The following TMEM184A variants were observed in gnomAD, a reference collection of about 807,000 sequenced individuals.
TMEM184A encodes the protein transmembrane protein 184A.
TMEM184A carries 40 observed loss-of-function variants against 39.5 expected under a neutral mutation model. That is an observed-to-expected ratio of 1.01 (90% CI 0.79 to 1.32). The LOEUF is 1.32. Among genes scored for constraint, TMEM184A ranks in the 40% most tolerant of loss-of-function variants. The probability of loss-of-function intolerance (pLI) is 0.00; values close to 1 mark genes in which losing one functional copy is unlikely to be tolerated. For missense variants in TMEM184A, 603 were observed against 568.8 expected, an observed-to-expected ratio of 1.06 and a Z score of -0.61; for synonymous variants, 280 against 252.3, an observed-to-expected ratio of 1.11 and a Z score of -1.04.
At chr7:1,551,725 T>C in intron 2 of TMEM184A, among the ~76,000 whole-genome samples, 1 of 151,950 alleles carries the variant, frequency 6.6e-6, no homozygotes, top group East Asian at 1.9e-4. Context: ...TCATTTGAGG[T>C]CAGGAGTTCA....
At chr7:1,548,390 G>A (rs1784432259) in intron 7 of TMEM184A, 129 bp downstream of exon 7, 6 of 1,148,242 alleles carry the variant, frequency 5.2e-6, no homozygotes, top group Middle Eastern at 4.8e-4. Flanking sequence ...CTGGCTTCCA[G>A]CTGACCTGTG....
intron 2 of TMEM184A, among the ~76,000 whole-genome samples, chr7:1,552,348 G>A (rs775137308): frequency 6.6e-6 from 1 of 152,098 alleles, no homozygotes. Context: ...TGTCTGATAT[G>A]TGTGTTCGTG....
chr7:1,550,764 C>A (rs953481361), intron 3 of TMEM184A, 53 bp downstream of exon 3: 26 of 1,597,390 alleles, frequency 1.6e-5, no homozygotes, highest in Non-Finnish European at 2.1e-5. Context: ...TGCACGCAGG[C>A]CCCGGGGAGT....
rs1333130976 is a variant in TMEM184A at position 1,555,883 on chromosome 7, C to T, written c.-1+231G>A. ...CGGGCGCAGACCAGCACTGCCTGCC[C>T]CGGCAGGAGGGGGTGTGCAGCCACC... On this transcript the variant is annotated intron_variant, in intron 1 of 8. Coordinates refer to ENST00000297477, the MANE Select transcript of TMEM184A (RefSeq NM_001097620.2). This position sits in a 1 kb window ranked among gnomAD's most constrained non-coding sequence, Gnocchi z 5.2. 7.3e-6 allele frequency: 2 copies of T among 273,344 alleles called. No homozygotes were observed. Among genetic ancestry groups the T allele is most frequent in the Non-Finnish European group, 1.4e-5 (2 of 142,574 alleles). The allele number at this position is 273,344 out of a possible 1,614,324, so 16.9% of individuals were successfully genotyped here.
At position 1,547,559 on chromosome 7, in the gene TMEM184A, T is replaced by C. The variant is rs752643653; in HGVS notation, c.1012+183A>G. 4.6e-5 allele frequency among the ~76,000 whole-genome samples: 7 copies of C among 152,006 alleles called. 1 individual carries two copies. Among genetic ancestry groups the C allele is most frequent in the Admixed American group, 1.3e-4 (2 of 15,264 alleles). Reference sequence around the variant, plus strand: ...AGGGGACACCCATCCCCCATCACCATTGGGGTCCGGGACCGCCTGGACCCC... The same window carrying C: ...AGGGGACACCCATCCCCCATCACCACTGGGGTCCGGGACCGCCTGGACCCC... On this transcript the variant is annotated intron_variant, in intron 8 of 8. Transcript: ENST00000297477.
chr7:1,552,356 G>C (rs762564886), intron 2 of TMEM184A, among the ~76,000 whole-genome samples: 3 of 152,072 alleles, frequency 2.0e-5, no homozygotes, highest in Admixed American at 6.6e-5. Context: ...ATGTGTGTTC[G>C]TGGGGAATGG....
Position 1,550,202 on chromosome 7 carries a change from CG to C in TMEM184A, c.477-5del. 1 of 1,606,580 alleles carries C rather than the reference CG, an allele frequency of 6.2e-7. No individual in the cohort carries two copies. Among genetic ancestry groups the C allele is most frequent in the South Asian group, 1.1e-5 (1 of 90,302 alleles). ...GGTGCCGTACAAGCAGCTGGACCTG[CG>C]GGGGACGTCCCTGAGCCGGTGCGGG... On this transcript the variant is annotated splice_polypyrimidine_tract_variant and splice_region_variant and intron_variant, in intron 4 of 8. Coordinates refer to ENST00000297477, the MANE Select transcript of TMEM184A (RefSeq NM_001097620.2).
At position 1,548,656 on chromosome 7, in the gene TMEM184A, A is replaced by G. The variant is rs1323614388; in HGVS notation, c.677T>C (p.Ile226Thr). 2 of 1,613,842 alleles carry G rather than the reference A, an allele frequency of 1.2e-6. No homozygotes were observed. Among genetic ancestry groups the G allele is most frequent in the Admixed American group, 3.3e-5 (2 of 60,012 alleles). ...GGCGAGGCTGACGGAGGCGTTGTAG[A>G]TGAGGGTCACATAGAGGTAGCCGCT... ...VRSGYLYVTLIYNASVSLALY... is the reference protein window; with the variant it reads ...VRSGYLYVTLTYNASVSLALY... Residue 226 changes from isoleucine (I) to threonine (T), a missense_variant, in exon 7 of 9, where the codon ATC becomes ACC. Physicochemically the swap from Ile to Thr is moderately conservative, Grantham distance 89. Coordinates refer to ENST00000297477, the MANE Select transcript of TMEM184A (RefSeq NM_001097620.2).
intron 8 of TMEM184A, 89 bp from the exon 9 acceptor site, chr7:1,547,270 C>G (rs1400331607): frequency 1.3e-6 from 1 of 754,340 alleles, no homozygotes; most frequent in Non-Finnish European, 2.1e-6. Context: ...AGGGCTGTAG[C>G]TCCTGCATGT....
At position 1,550,821 on chromosome 7, in the gene TMEM184A, G is replaced by A. The variant is rs763922865; in HGVS notation, c.381C>T (p.Tyr127=). 10 of 1,612,696 alleles carry A rather than the reference G, an allele frequency of 6.2e-6. No homozygotes were observed. The highest frequency in any genetic ancestry group is 3.3e-5 in the Admixed American group (2 of 59,994). The change falls in exon 3 of 9, where the codon TAC becomes TAT. Residue 127 remains tyrosine (Y), a synonymous_variant. Transcript: ENST00000297477. Reference sequence around the variant, plus strand: ...CTGACGCAGCCTGGCGCCCACCTTCGTAGCAGTCCCGCACAGAGTCGAAGT... The same window carrying A: ...CTGACGCAGCCTGGCGCCCACCTTCATAGCAGTCCCGCACAGAGTCGAAGT... ...YVYFDSVRDC[Y]EAFVIYSFLS...
At chr7:1,554,588 ACTC>A (rs1778475226) in intron 2 of TMEM184A, among the ~76,000 whole-genome samples, 1 of 150,218 alleles carries the variant, frequency 6.7e-6, no homozygotes, top group Admixed American at 6.6e-5. Flanking sequence ...CCTGTCCCTG[ACTC>A]CCTGCCCTCT....
In TMEM184A at chr7:1,545,995, G is replaced by A. The variant is rs1179739866; in HGVS notation, c.*957C>T. On this transcript the variant is annotated 3_prime_UTR_variant, in exon 9 of 9. Transcript: ENST00000297477. ...GTGGCCTTGTCCGCTCGCCGCGGGT[G>A]GGGCTGGCACAAGGCCCGTTTTGGA... 1 of 152,536 alleles carries A rather than the reference G, an allele frequency of 6.6e-6. No homozygotes were observed. The highest frequency in any genetic ancestry group is 1.5e-5 in the Non-Finnish European group (1 of 68,196). 9.4% of individuals were successfully genotyped at this position (152,536 alleles called of 1,614,324 possible). A position where few individuals can be genotyped will look rare whatever the true frequency, so the allele number is the denominator to read the frequency against.
At position 1,550,215 on chromosome 7, in the gene TMEM184A, T is replaced by C; in HGVS notation, c.477-17A>G. ...CAGCTGGACCTGCGGGGGACGTCCCTGAGCCGGTGCGGGAGAATGCAGCCC... is the reference window on the plus strand; with the variant it reads ...CAGCTGGACCTGCGGGGGACGTCCCCGAGCCGGTGCGGGAGAATGCAGCCC... On this transcript the variant is annotated splice_polypyrimidine_tract_variant and intron_variant, in intron 4 of 8. Coordinates refer to ENST00000297477, the MANE Select transcript of TMEM184A (RefSeq NM_001097620.2). 6.2e-7 allele frequency: 1 copy of C among 1,605,642 alleles called. No individual in the cohort carries two copies. Among genetic ancestry groups the C allele is most frequent in the South Asian group, 1.1e-5 (1 of 90,184 alleles).
Position 1,555,441 on chromosome 7 carries a change from A to C in TMEM184A, c.44T>G (p.Leu15Arg), listed in dbSNP as rs760612728. ...GGGCTGCGGCCAGTTCGCTGACACC[A>C]GGGGGACGCCGGCTGTCTCCAGGAT... is the stretch of plus-strand genomic sequence containing the variant. Reference protein sequence around the residue: ...SGILETAGVPLVSANWPQPSP... With the variant: ...SGILETAGVPRVSANWPQPSP... Residue 15 changes from leucine (L) to arginine (R), a missense_variant, in exon 2 of 9, where the codon CTG becomes CGG. Leu to Arg is a moderately radical substitution (Grantham distance 102). Coordinates refer to ENST00000297477, the MANE Select transcript of TMEM184A (RefSeq NM_001097620.2). The surrounding 1 kb of genome is among the most constrained non-coding windows in gnomAD (Gnocchi z 5.2). 6.2e-7 allele frequency: 1 copy of C among 1,610,550 alleles called. No individual in the cohort carries two copies. The highest frequency in any genetic ancestry group is 8.5e-7 in the Non-Finnish European group (1 of 1,179,694).
rs1367941240 is a variant in TMEM184A at position 1,544,404 on chromosome 7, G to C, written c.*2548C>G. On this transcript the variant is annotated 3_prime_UTR_variant, in exon 9 of 9. Coordinates refer to ENST00000297477, the MANE Select transcript of TMEM184A (RefSeq NM_001097620.2). The stretch of plus-strand genomic sequence containing the variant: ...AGAGAAGGATACTGAGGCCAGGAGA[G>C]GCTAGAGAGCTTGGCGGGTGCGCTG... The C allele has an allele frequency of 6.6e-6, 1 of 152,326 alleles. No homozygotes were observed. The highest frequency in any genetic ancestry group is 1.5e-5 in the Non-Finnish European group (1 of 68,090). 9.4% of individuals were successfully genotyped at this position (152,326 alleles called of 1,614,324 possible).
intron 2 of TMEM184A, among the ~76,000 whole-genome samples, chr7:1,551,717 A>C: frequency 6.6e-6 from 1 of 152,014 alleles, no homozygotes; most frequent in East Asian, 1.9e-4. Context: ...TGGGTGGATC[A>C]TTTGAGGTCA....
At chr7:1,549,378 G>C in intron 6 of TMEM184A, 1 of 391,032 alleles carries the variant, frequency 2.6e-6, no homozygotes, top group South Asian at 1.9e-5. Context: ...CTTGTGCTGG[G>C]TGGCTGCCTG....
Position 1,547,123 on chromosome 7 carries a change from C to T in TMEM184A, c.1071G>A (p.Gln357=), listed in dbSNP as rs1184283595. ...TGTGGATGGCGTCCTGCACGATGTC[C>T]TGGGGGCTCACTGTCTCCCTGATGC... ...SSGIRETVSP[Q]DIVQDAIHNF... The change falls in exon 9 of 9, where the codon CAG becomes CAA. Residue 357 remains glutamine (Q), a synonymous_variant. Coordinates refer to ENST00000297477, the MANE Select transcript of TMEM184A (RefSeq NM_001097620.2). The T allele has an allele frequency of 3.1e-6, 5 of 1,609,812 alleles. No individual in the cohort carries two copies. Among genetic ancestry groups the T allele is most frequent in the Non-Finnish European group, 8.5e-7 (1 of 1,179,644 alleles).
In TMEM184A at chr7:1,546,522, G is replaced by A. The variant is rs571666081; in HGVS notation, c.*430C>T. 4.2e-4 allele frequency: 68 copies of A among 162,976 alleles called. No homozygotes were observed. The highest frequency in any genetic ancestry group is 3.6e-3 in the South Asian group (18 of 4,992). 10.1% of individuals were successfully genotyped at this position (162,976 alleles called of 1,614,324 possible). The stretch of plus-strand genomic sequence containing the variant: ...CTGTGTCAGAGCCCGGCTGCCCAGC[G>A]CCCCGGCGCCCCTCCCTCCAGCTGC... On this transcript the variant is annotated 3_prime_UTR_variant, in exon 9 of 9. Coordinates refer to ENST00000297477, the MANE Select transcript of TMEM184A (RefSeq NM_001097620.2).
Sources: gnomAD v4.1 joint callset for allele counts (sites outside exome capture counted in the v4.1 genomes callset) on GRCh38, gnomAD v4.1.1 for gene constraint, Gnocchi (gnomAD v3.1) non-coding constraint, MANE v1.5 for transcripts, NCBI Gene and HGNC (gene_info 2026-07-23, HGNC 2026-07-21) for gene names.